MRPL53: variants seen among roughly 807,000 people sequenced by gnomAD.
MRPL53 encodes the protein large ribosomal subunit protein mL53.
MRPL53 carries 7 observed loss-of-function variants against 7.5 expected under a neutral mutation model. That is an observed-to-expected ratio of 0.93 (90% CI 0.53 to 1.75). MRPL53 has a LOEUF of 1.75. MRPL53 is among the 40% of genes most tolerant of loss of function. MRPL53 has a pLI of 0.00. For missense variants in MRPL53, 185 were observed against 159.0 expected (o/e 1.16, Z -0.88); for synonymous variants, 84 against 64.4 (o/e 1.30, Z -1.46).
Position 74,472,075 on chromosome 2 carries a change from T to C in MRPL53, c.*44A>G. On this transcript the variant is annotated 3_prime_UTR_variant, in exon 3 of 3. Coordinates refer to ENST00000258105, the MANE Select transcript of MRPL53 (RefSeq NM_053050.5). Reference sequence around the variant, plus strand: ...AGTGAAACTCTTCTTAGGTTAAGTGTCCTAGTCCACGCTAAAATCATCTTG... The same window carrying C: ...AGTGAAACTCTTCTTAGGTTAAGTGCCCTAGTCCACGCTAAAATCATCTTG... 1.2e-6 allele frequency: 2 copies of C among 1,610,206 alleles called. No homozygotes were observed. The highest frequency in any genetic ancestry group is 1.7e-6 in the Non-Finnish European group (2 of 1,178,014).
rs1164880190 is a variant in MRPL53, at chr2:74,472,363, A to G, written c.200T>C (p.Leu67Pro). The change falls in exon 2 of 3, where the codon CTG (leucine) becomes CCG (proline). Residue 67 changes from leucine (L) to proline (P), a missense_variant. Coordinates refer to ENST00000258105, the MANE Select transcript of MRPL53 (RefSeq NM_053050.5). ...CCCGTCTCCACCAAGCCCACCGAAC[A>G]GCACGTCCACGCAGGGCTCGGAGCC... ...HDGSEPCVDV[L>P]FGDGHRLIMR... The G allele has an allele frequency of 5.0e-6, 8 of 1,613,838 alleles. No homozygotes were observed. Among genetic ancestry groups the G allele is most frequent in the Non-Finnish European group, 6.8e-6 (8 of 1,179,926 alleles).
rs749982181 is a variant in MRPL53 at position 74,472,594 on chromosome 2, A to C, written c.67T>G (p.Phe23Val). The change falls in exon 1 of 3, where the codon TTC (phenylalanine) becomes GTC (valine). Residue 23 changes from phenylalanine to valine, a missense_variant. Phe to Val is a conservative substitution (Grantham distance 50). Coordinates refer to ENST00000258105, the MANE Select transcript of MRPL53 (RefSeq NM_053050.5). The part of the protein sequence containing the change: ...VKQVRVQFCP[F>V]EKNVESTRTF... ...CTCGTCGATTCCACGTTTTTCTCGA[A>C]GGGACAGAACTGAACCCGAACCTGT... 6.2e-7 allele frequency: 1 copy of C among 1,614,238 alleles called. No individual in the cohort carries two copies. The highest frequency in any genetic ancestry group is 1.1e-5 in the South Asian group (1 of 91,088).
In MRPL53 at chr2:74,472,462, A is replaced by G; in HGVS notation, c.101T>C (p.Leu34Pro). ...GACCTTCTCACTGCTCACCGTCTGC[A>G]GGAAGGTCCTACGGTGGAAAAACAG... Reference protein sequence around the residue: ...EKNVESTRTFLQTVSSEKVRS... With the variant: ...EKNVESTRTFPQTVSSEKVRS... The change falls in exon 2 of 3, where the codon CTG (leucine) becomes CCG (proline). Residue 34 changes from leucine to proline, a missense_variant. Coordinates refer to ENST00000258105, the MANE Select transcript of MRPL53 (RefSeq NM_053050.5). 1 of 1,614,074 alleles carries G rather than the reference A, an allele frequency of 6.2e-7. No homozygotes were observed. The highest frequency in any genetic ancestry group is 8.5e-7 in the Non-Finnish European group (1 of 1,179,928).
At position 74,472,494 on chromosome 2, in the gene MRPL53, G is replaced by A. The variant is rs755552236; in HGVS notation, c.93-24C>T. ...TCCTACGGTGGAAAAACAGAGGAGC[G>A]CCAAGCTGAGGGCTTAAAGCCCCGG... is the stretch of plus-strand genomic sequence containing the variant. On this transcript the variant is annotated intron_variant, in intron 1 of 2. Transcript: ENST00000258105. 5 of 1,613,590 alleles carry A rather than the reference G, an allele frequency of 3.1e-6. No homozygotes were observed. The African/African-American group carries it at 4.0e-5, about 13-fold the overall frequency.
In MRPL53 at chr2:74,472,668, T is replaced by C; in HGVS notation, c.-8A>G. ...AGCCAAGGCAGCTGCCATGGTGACC[T>C]CCGCCCCGGAAGAACTCGTGCAGGC... On this transcript the variant is annotated 5_prime_UTR_variant, in exon 1 of 3. Transcript: ENST00000258105. 2 of 1,614,154 alleles carry C rather than the reference T, an allele frequency of 1.2e-6. No homozygotes were observed. The highest frequency in any genetic ancestry group is 1.7e-5 in the Admixed American group (1 of 60,024).
chr2:74,472,223 C>A lies in MRPL53; in HGVS notation c.235G>T (p.Ala79Ser). The A allele has an allele frequency of 1.2e-6, 2 of 1,614,130 alleles. No individual in the cohort carries two copies. Among genetic ancestry groups the A allele is most frequent in the Non-Finnish European group, 8.5e-7 (1 of 1,180,026 alleles). The change falls in exon 3 of 3, where the codon GCT becomes TCT. Residue 79 changes from alanine (A) to serine (S), a missense_variant. Coordinates refer to ENST00000258105, the MANE Select transcript of MRPL53 (RefSeq NM_053050.5). ...GDGHRLIMRG[A>S]HLTALEMLTA... Reference sequence around the variant, plus strand: ...AGCATTTCCAGAGCGGTGAGATGAGCGCCGCGCATAATCAGGCGATGCCCG... The same window carrying A: ...AGCATTTCCAGAGCGGTGAGATGAGAGCCGCGCATAATCAGGCGATGCCCG...
Position 74,472,439 on chromosome 2 carries a change from C to A in MRPL53, c.124G>T (p.Val42Phe), listed in dbSNP as rs746411133. 7 of 1,613,882 alleles carry A rather than the reference C, an allele frequency of 4.3e-6. No homozygotes were observed. Among genetic ancestry groups the A allele is most frequent in the East Asian group, 2.2e-5 (1 of 44,886 alleles). Residue 42 changes from valine to phenylalanine, a missense_variant, in exon 2 of 3, where the codon GTC (valine) becomes TTC (phenylalanine). Transcript: ENST00000258105. ...GAGCAGTTGAGATTAGTGGAGCGGA[C>A]CTTCTCACTGCTCACCGTCTGCAGG... ...TFLQTVSSEK[V>F]RSTNLNCSVI...
chr2:74,472,222 G>T lies in MRPL53; in HGVS notation c.236C>A (p.Ala79Asp), dbSNP rs1672193350. 1 of 1,614,062 alleles carries T rather than the reference G, an allele frequency of 6.2e-7. No homozygotes were observed. Among genetic ancestry groups the T allele is most frequent in the South Asian group, 1.1e-5 (1 of 91,088 alleles). The change falls in exon 3 of 3, where the codon GCT (alanine) becomes GAT (aspartate). Residue 79 changes from alanine (A) to aspartate (D), a missense_variant. By Grantham distance (126) the Ala-to-Asp change is moderately radical. Coordinates refer to ENST00000258105, the MANE Select transcript of MRPL53 (RefSeq NM_053050.5). ...GAGCATTTCCAGAGCGGTGAGATGAGCGCCGCGCATAATCAGGCGATGCCC... is the reference window on the plus strand; with the variant it reads ...GAGCATTTCCAGAGCGGTGAGATGATCGCCGCGCATAATCAGGCGATGCCC... ...GDGHRLIMRG[A>D]HLTALEMLTA...
Position 74,472,184 on chromosome 2 carries a change from A to G in MRPL53, c.274T>C (p.Ser92Pro), listed in dbSNP as rs574615587. 1.9e-6 allele frequency: 3 copies of G among 1,614,156 alleles called. No homozygotes were observed. Among genetic ancestry groups the G allele is most frequent in the African/African-American group, 2.7e-5 (2 of 75,048 alleles). ...GCCGCGTCCCTGGCCCGGATGTGGG[A>G]GGCGAAGGCGGTGAGCATTTCCAGA... ...TALEMLTAFASHIRARDAAGS... is the reference protein window; with the variant it reads ...TALEMLTAFAPHIRARDAAGS... Residue 92 changes from serine to proline, a missense_variant, in exon 3 of 3, where the codon TCC becomes CCC. By Grantham distance (74) the Ser-to-Pro change is moderately conservative. Transcript: ENST00000258105.
Position 74,472,233 on chromosome 2 carries a change from A to C in MRPL53, c.225T>G (p.Ile75Met), listed in dbSNP as rs1374693627. 1.4e-5 allele frequency: 22 copies of C among 1,614,066 alleles called. No homozygotes were observed. Among genetic ancestry groups the C allele is most frequent in the Non-Finnish European group, 1.9e-5 (22 of 1,180,030 alleles). Reference protein sequence around the residue: ...DVLFGDGHRLIMRGAHLTALE... With the variant: ...DVLFGDGHRLMMRGAHLTALE... The stretch of plus-strand genomic sequence containing the variant: ...GAGCGGTGAGATGAGCGCCGCGCAT[A>C]ATCAGGCGATGCCCGTCTCCTGGGG... Residue 75 changes from isoleucine to methionine, a missense_variant, in exon 3 of 3, where the codon ATT becomes ATG. Physicochemically the swap from Ile to Met is conservative, Grantham distance 10. Transcript: ENST00000258105.
At position 74,472,401 on chromosome 2, in the gene MRPL53, G is replaced by A. The variant is rs752537798; in HGVS notation, c.162C>T (p.Asp54=). 1 of 1,614,046 alleles carries A rather than the reference G, an allele frequency of 6.2e-7. No homozygotes were observed. Among genetic ancestry groups the A allele is most frequent in the South Asian group, 1.1e-5 (1 of 91,070 alleles). ...AGGGCTCGGAGCCGTCATGCCTCAC[G>A]TCCGCAATCACTGAGCAGTTGAGAT... The part of the protein sequence containing the change: ...STNLNCSVIA[D]VRHDGSEPCV... Residue 54 remains aspartate, a synonymous_variant, in exon 2 of 3, where the codon GAC becomes GAT. Transcript: ENST00000258105.
chr2:74,472,359 G>T lies in MRPL53; in HGVS notation c.204C>A (p.Phe68Leu). The stretch of plus-strand genomic sequence containing the variant: ...CCTGCCCGTCTCCACCAAGCCCACC[G>T]AACAGCACGTCCACGCAGGGCTCGG... ...DGSEPCVDVL[F>L]GDGHRLIMRG... is the part of the protein sequence containing the mutation. The change falls in exon 2 of 3, where the codon TTC (phenylalanine) becomes TTA (leucine). Residue 68 changes from phenylalanine to leucine, a missense_variant and splice_region_variant. Physicochemically the swap from Phe to Leu is conservative, Grantham distance 22. Coordinates refer to ENST00000258105, the MANE Select transcript of MRPL53 (RefSeq NM_053050.5). The T allele has an allele frequency of 6.2e-7, 1 of 1,613,788 alleles. No homozygotes were observed. The highest frequency in any genetic ancestry group is 2.2e-5 in the East Asian group (1 of 44,872).
At chr2:74,472,500 C>T in intron 1 of MRPL53, 30 bp from the exon 2 acceptor site, 1 of 1,613,848 alleles carries the variant, frequency 6.2e-7, no homozygotes, top group Non-Finnish European at 8.5e-7. Context: ...GAGCGCCAAG[C>T]TGAGGGCTTA....
chr2:74,472,059 C>T lies in MRPL53; in HGVS notation c.*60G>A. 1 of 1,596,826 alleles carries T rather than the reference C, an allele frequency of 6.3e-7. No homozygotes were observed. Among genetic ancestry groups the T allele is most frequent in the Non-Finnish European group, 8.6e-7 (1 of 1,169,058 alleles). The stretch of plus-strand genomic sequence containing the variant: ...GTGATTTGAATGATTAAGTGAAACT[C>T]TTCTTAGGTTAAGTGTCCTAGTCCA... On this transcript the variant is annotated 3_prime_UTR_variant, in exon 3 of 3. Transcript: ENST00000258105.
Position 74,472,260 on chromosome 2 carries a change from A to G in MRPL53, c.206-8T>C, listed in dbSNP as rs1284267238. 1 of 1,614,042 alleles carries G rather than the reference A, an allele frequency of 6.2e-7. No individual in the cohort carries two copies. The highest frequency in any genetic ancestry group is 2.2e-5 in the East Asian group (1 of 44,882). ...TCAGGCGATGCCCGTCTCCTGGGGA[A>G]GAAACAAACGAGTGAGACAGGGAGG... On this transcript the variant is annotated splice_polypyrimidine_tract_variant and splice_region_variant and intron_variant, in intron 2 of 2. Transcript: ENST00000258105.
Position 74,472,433 on chromosome 2 carries a change from A to T in MRPL53, c.130T>A (p.Ser44Thr). The change falls in exon 2 of 3, where the codon TCC (serine) becomes ACC (threonine). Residue 44 changes from serine to threonine, a missense_variant. Coordinates refer to ENST00000258105, the MANE Select transcript of MRPL53 (RefSeq NM_053050.5). ...ATCACTGAGCAGTTGAGATTAGTGG[A>T]GCGGACCTTCTCACTGCTCACCGTC... Reference protein sequence around the residue: ...LQTVSSEKVRSTNLNCSVIAD... With the variant: ...LQTVSSEKVRTTNLNCSVIAD... 6.2e-7 allele frequency: 1 copy of T among 1,613,988 alleles called. No homozygotes were observed. The highest frequency in any genetic ancestry group is 1.1e-5 in the South Asian group (1 of 91,056).
At position 74,472,379 on chromosome 2, in the gene MRPL53, G is replaced by A. The variant is rs1420639045; in HGVS notation, c.184C>T (p.Pro62Ser). 1 of 1,613,772 alleles carries A rather than the reference G, an allele frequency of 6.2e-7. No individual in the cohort carries two copies. The highest frequency in any genetic ancestry group is 8.5e-7 in the Non-Finnish European group (1 of 1,179,904). ...IADVRHDGSE[P>S]CVDVLFGDGH... ...CCACCGAACAGCACGTCCACGCAGGGCTCGGAGCCGTCATGCCTCACGTCC... is the reference window on the plus strand; with the variant it reads ...CCACCGAACAGCACGTCCACGCAGGACTCGGAGCCGTCATGCCTCACGTCC... The change falls in exon 2 of 3, where the codon CCC becomes TCC. Residue 62 changes from proline to serine, a missense_variant. By Grantham distance (74) the Pro-to-Ser change is moderately conservative. Coordinates refer to ENST00000258105, the MANE Select transcript of MRPL53 (RefSeq NM_053050.5).
chr2:74,472,439 CCTT>C lies in MRPL53; in HGVS notation c.121_123del (p.Lys41del). The C allele has an allele frequency of 2.5e-6, 4 of 1,614,000 alleles. No individual in the cohort carries two copies. In the South Asian group the frequency reaches 4.4e-5, roughly 18 times the overall value. ...GAGCAGTTGAGATTAGTGGAGCGGA[CCTT>C]CTCACTGCTCACCGTCTGCAGGAAG... On this transcript the variant is annotated inframe_deletion, in exon 2 of 3. Transcript: ENST00000258105.
chr2:74,472,375 C>G lies in MRPL53; in HGVS notation c.188G>C (p.Cys63Ser), dbSNP rs150665596. The G allele has an allele frequency of 5.0e-6, 8 of 1,613,862 alleles. No homozygotes were observed. Among genetic ancestry groups the G allele is most frequent in the Non-Finnish European group, 6.8e-6 (8 of 1,179,940 alleles). ...ADVRHDGSEP[C>S]VDVLFGDGHR... ...AAGCCCACCGAACAGCACGTCCACG[C>G]AGGGCTCGGAGCCGTCATGCCTCAC... Residue 63 changes from cysteine to serine, a missense_variant, in exon 2 of 3, where the codon TGC (cysteine) becomes TCC (serine). Cys to Ser is a moderately radical substitution (Grantham distance 112). Transcript: ENST00000258105.
Sources: allele counts gnomAD v4.1 joint callset, GRCh38; gene constraint gnomAD v4.1.1; transcripts MANE v1.5; gene names NCBI Gene and HGNC (gene_info 2026-07-23, HGNC 2026-07-21).